ZNF626: variants seen among roughly 807,000 people sequenced by gnomAD.
The protein encoded by ZNF626 is CTC-513N18.7.
A neutral mutation model predicts 11.7 loss-of-function variants in ZNF626; 4 were observed. That is an observed-to-expected ratio of 0.34 (90% confidence interval 0.17 to 0.78). The LOEUF (loss-of-function observed/expected upper bound fraction) is 0.78, where lower values mean the gene tolerates loss of function less well. ZNF626 is among the 30% of genes least tolerant of loss of function. The pLI, the probability that ZNF626 is intolerant of heterozygous loss-of-function variation, is 0.57. For synonymous variants in ZNF626, 179 were observed against 198.6 expected (o/e 0.90, Z 0.83); for missense variants, 588 against 587.1 (o/e 1.00, Z -0.01).
At chr19:20,651,235 A>G (rs1028605652) in intron 1 of ZNF626, among the ~76,000 whole-genome samples, 7 of 151,966 alleles carry the variant, frequency 4.6e-5, no homozygotes, top group Admixed American at 4.6e-4. Flanking sequence ...CTGTTCATAA[A>G]TATCCTTTCA....
rs114801665 is a variant in ZNF626 at position 20,635,824 on chromosome 19, C to T, written c.226+9860G>A. 6.4e-3 allele frequency among the ~76,000 whole-genome samples: 977 copies of T among 152,092 alleles called. 14 individuals carry two copies. Among genetic ancestry groups the T allele is most frequent in the African/African-American group, 0.022 (923 of 41,490 alleles). On this transcript the variant is annotated intron_variant, in intron 3 of 3. Coordinates refer to ENST00000601440, the MANE Select transcript of ZNF626 (RefSeq NM_001076675.3). ...TGGGAGAGATTTTATGACTACTCAC[C>T]TAGACAGGATTAAAAAAACTGTTAC...
chr19:20,622,415 A>C lies in ZNF626; in HGVS notation c.*1875T>G, dbSNP rs1969767948. 1 of 152,120 alleles carries C rather than the reference A, an allele frequency of 6.6e-6. No homozygotes were observed. The highest frequency in any genetic ancestry group is 2.4e-5 in the African/African-American group (1 of 41,448). The allele number at this position is 152,120 out of a possible 1,614,324, so 9.4% of individuals were successfully genotyped here. On this transcript the variant is annotated 3_prime_UTR_variant, in exon 4 of 4. Coordinates refer to ENST00000601440, the MANE Select transcript of ZNF626 (RefSeq NM_001076675.3). ...TTAACTACAATGAGCCTCTCCACTT[A>C]TATTTTCGTCATGCATCTTACATTT...
Position 20,625,566 on chromosome 19 carries a change from T to A in ZNF626, c.311A>T (p.Glu104Val). Residue 104 changes from glutamate to valine, a missense_variant, in exon 4 of 4, where the codon GAA becomes GTA. Transcript: ENST00000601440. The part of the protein sequence containing the change: ...SFQKVVLRRY[E>V]KCEHDNLQLK... ...CTGTAAATTGTCATGTTCACATTTTTCATATCTTCTCAGTACCACTTTTTG... is the reference window on the plus strand; with the variant it reads ...CTGTAAATTGTCATGTTCACATTTTACATATCTTCTCAGTACCACTTTTTG... The A allele has an allele frequency of 6.2e-7, 1 of 1,611,828 alleles. No individual in the cohort carries two copies. The highest frequency in any genetic ancestry group is 8.5e-7 in the Non-Finnish European group (1 of 1,179,000).
At chr19:20,641,262 C>CA (rs1257655354) in intron 3 of ZNF626, among the ~76,000 whole-genome samples, 1 of 151,712 alleles carries the variant, frequency 6.6e-6, no homozygotes, top group African/African-American at 2.4e-5. Flanking sequence ...AAAAATACGT[C>CA]AAAAAATATA....
intron 1 of ZNF626, among the ~76,000 whole-genome samples, chr19:20,656,669 C>T (rs1419279559): frequency 2.9e-5 from 4 of 137,860 alleles, no homozygotes; most frequent in African/African-American, 9.0e-5. Flanking sequence ...ATACATGTGG[C>T]TAACAAGCAT....
At chr19:20,659,522 T>C (rs1970241393) in intron 1 of ZNF626, among the ~76,000 whole-genome samples, 1 of 152,190 alleles carries the variant, frequency 6.6e-6, no homozygotes, top group African/African-American at 2.4e-5. Context: ...ATTACATGCC[T>C]GAGCCATGGC....
In ZNF626 at chr19:20,661,532, G is replaced by GCGA; in HGVS notation, c.-87_-86insTCG. 1.7e-6 allele frequency: 2 copies of GCGA among 1,154,858 alleles called. No homozygotes were observed. Among genetic ancestry groups the GCGA allele is most frequent in the Non-Finnish European group, 1.2e-6 (1 of 845,128 alleles). 71.5% of individuals were successfully genotyped at this position (1,154,858 alleles called of 1,614,324 possible). ...GGGGCCACACAGCCTGGGCCTTTAG[G>GCGA]AGAAGAACCAGACCTGGAGCTCTGA... On this transcript the variant is annotated 5_prime_UTR_variant, in exon 1 of 4. Coordinates refer to ENST00000601440, the MANE Select transcript of ZNF626 (RefSeq NM_001076675.3).
chr19:20,637,259 G>C (rs1264110309), intron 3 of ZNF626, among the ~76,000 whole-genome samples: 1 of 151,950 alleles, frequency 6.6e-6, no homozygotes, highest in Non-Finnish European at 1.5e-5. Context: ...AAGGCCAAGG[G>C]GGGAATCACA....
At chr19:20,632,365 T>C (rs964903004) in intron 3 of ZNF626, among the ~76,000 whole-genome samples, 5 of 152,218 alleles carry the variant, frequency 3.3e-5, no homozygotes, top group Non-Finnish European at 2.9e-5. Flanking sequence ...TTCTCCTGGA[T>C]AATATCCTGC....
At position 20,625,071 on chromosome 19, in the gene ZNF626, G is replaced by T; in HGVS notation, c.806C>A (p.Ser269Tyr). 6.2e-7 allele frequency: 1 copy of T among 1,613,394 alleles called. No individual in the cohort carries two copies. ...CDKCGKAFMSSSTLSKHEIIH... is the reference protein window; with the variant it reads ...CDKCGKAFMSYSTLSKHEIIH... ...TATCTCATGTTTACTAAGGGTTGAG[G>T]ATGACATAAAGGCTTTGCCACATTT... The change falls in exon 4 of 4, where the codon TCC becomes TAC. Residue 269 changes from serine to tyrosine, a missense_variant. Physicochemically the swap from Ser to Tyr is moderately radical, Grantham distance 144 (BLOSUM62 -2). This residue lies in a region of ZNF626 where 524 missense variants were observed against 470.1 expected (regional missense o/e 1.11). Coordinates refer to ENST00000601440, the MANE Select transcript of ZNF626 (RefSeq NM_001076675.3).
intron 3 of ZNF626, among the ~76,000 whole-genome samples, chr19:20,632,816 T>C (rs1555770495): frequency 6.6e-6 from 1 of 152,250 alleles, no homozygotes; most frequent in East Asian, 1.9e-4. Flanking sequence ...AGCTTTGTTC[T>C]GTTCCTGGTG....
intron 1 of ZNF626, among the ~76,000 whole-genome samples, chr19:20,651,820 AAGAG>A (rs2144790439): frequency 6.6e-6 from 1 of 152,340 alleles, no homozygotes; most frequent in South Asian, 2.1e-4. Flanking sequence ...GCTCTTGTGT[AAGAG>A]AAAGAACACA....
At chr19:20,635,714 T>C (rs1421122810) in intron 3 of ZNF626, among the ~76,000 whole-genome samples, 1 of 152,212 alleles carries the variant, frequency 6.6e-6, no homozygotes, top group Non-Finnish European at 1.5e-5. Flanking sequence ...ACAGAGTAAT[T>C]ATTGTTTTTA....
At chr19:20,661,401 C>A in intron 1 of ZNF626, 43 bp downstream of exon 1, 2 of 1,613,496 alleles carry the variant, frequency 1.2e-6, no homozygotes, top group South Asian at 2.2e-5. Flanking sequence ...CCGGTTCCAA[C>A]CAGTCCCTCT....
intron 1 of ZNF626, among the ~76,000 whole-genome samples, chr19:20,650,341 CTGTTTA>C (rs1555772459): frequency 2.0e-5 from 3 of 151,992 alleles, no homozygotes; most frequent in Admixed American, 1.3e-4. Context: ...AAATTTTATT[CTGTTTA>C]TATTTACATT....
intron 1 of ZNF626, among the ~76,000 whole-genome samples, chr19:20,657,604 T>C (rs1970218644): frequency 1.3e-5 from 2 of 151,992 alleles, no homozygotes; most frequent in South Asian, 2.1e-4. Context: ...TTCAGGAGTT[T>C]AAGACCAGCC....
chr19:20,645,402 G>A (rs782191051), intron 3 of ZNF626: 20 of 1,611,188 alleles, frequency 1.2e-5, no homozygotes, highest in Non-Finnish European at 1.6e-5. Context: ...TCTCTTATAT[G>A]TCATGAAGAG....
At chr19:20,640,136 T>C (rs868965267) in intron 3 of ZNF626, among the ~76,000 whole-genome samples, 5 of 151,684 alleles carry the variant, frequency 3.3e-5, no homozygotes, top group Admixed American at 6.6e-5. Flanking sequence ...TAAAATAAAG[T>C]TGGATTATTT....
At chr19:20,639,518 C>T (rs116345823) in intron 3 of ZNF626, among the ~76,000 whole-genome samples, 3,483 of 152,200 alleles carry the variant, frequency 0.023, 139 homozygotes, top group African/African-American at 0.079. Context: ...TAAGAGGATC[C>T]ATTGGTGCCA....
Sources: allele counts gnomAD v4.1 joint callset (sites outside exome capture counted in the v4.1 genomes callset), GRCh38; gene constraint gnomAD v4.1.1; regional missense constraint gnomAD v4.1.1; transcripts MANE v1.5; gene names NCBI Gene and HGNC (gene_info 2026-07-23, HGNC 2026-07-21).